The following CACNA2D2 variants were observed in gnomAD, a reference collection of about 807,000 sequenced individuals.
CACNA2D2 encodes voltage-dependent calcium channel subunit alpha-2/delta-2.
CACNA2D2 carries 48 observed loss-of-function variants against 166.4 expected under a neutral mutation model. The observed-to-expected ratio is 0.29, with a 90% CI of 0.23 to 0.37. The LOEUF is 0.37. Ranked by LOEUF, CACNA2D2 falls within the 10% of genes least tolerant of loss-of-function variation. CACNA2D2 has a pLI of 1.00. For synonymous variants in CACNA2D2, 561 were observed against 573.7 expected (o/e 0.98, Z 0.32); for missense variants, 1,122 against 1,433.0 (o/e 0.78, Z 3.50).
Position 50,384,125 on chromosome 3 carries a change from G to A in CACNA2D2, c.652+71C>T, listed in dbSNP as rs981470875. ...CTGGCCTTCTGTCCCCAGGGACTCT[G>A]GAATGCCCTGGCAGTGGGCCTGCCC... On this transcript the variant is annotated intron_variant, in intron 6 of 37. Coordinates refer to ENST00000424201, the MANE Select transcript of CACNA2D2 (RefSeq NM_006030.4). 6.3e-6 allele frequency: 10 copies of A among 1,576,378 alleles called. No individual in the cohort carries two copies. The African/African-American group carries it at 1.3e-4, about 21-fold the overall frequency.
intron 1 of CACNA2D2, among the ~76,000 whole-genome samples, chr3:50,496,284 C>T (rs540898654): frequency 7.2e-5 from 11 of 151,914 alleles, no homozygotes; most frequent in Admixed American, 2.0e-4. Flanking sequence ...TGCCTACACA[C>T]GAGAATGCCC....
At chr3:50,481,985 A>T (rs2107119015) in intron 1 of CACNA2D2, among the ~76,000 whole-genome samples, 1 of 152,274 alleles carries the variant, frequency 6.6e-6, no homozygotes, top group Non-Finnish European at 1.5e-5. Context: ...ACAGAGCGAG[A>T]CTGTCTCAAA....
At chr3:50,483,843 T>C (rs896004868) in intron 1 of CACNA2D2, among the ~76,000 whole-genome samples, 1 of 152,230 alleles carries the variant, frequency 6.6e-6, no homozygotes, top group Admixed American at 6.5e-5. Flanking sequence ...AGGCCAGGGA[T>C]CTCACTGCAC....
chr3:50,420,271 C>A (rs1034206092), intron 3 of CACNA2D2, among the ~76,000 whole-genome samples: 2 of 152,220 alleles, frequency 1.3e-5, no homozygotes, highest in Non-Finnish European at 2.9e-5. Context: ...CATGCATGGT[C>A]CTCCCAGCTG....
chr3:50,412,681 C>G (rs1380661738), intron 3 of CACNA2D2, among the ~76,000 whole-genome samples: 3 of 152,084 alleles, frequency 2.0e-5, no homozygotes, highest in African/African-American at 7.2e-5. Context: ...GTGGGAATTT[C>G]TATTTTATTT....
intron 4 of CACNA2D2, among the ~76,000 whole-genome samples, chr3:50,392,707 C>A (rs1383772024): frequency 6.6e-6 from 1 of 152,196 alleles, no homozygotes; most frequent in Non-Finnish European, 1.5e-5. Context: ...GATTCCTTCA[C>A]ACCCCATAGC....
Position 50,363,569 on chromosome 3 carries a change from C to A in CACNA2D2, c.*1097G>T. 3.2e-6 allele frequency: 1 copy of A among 308,258 alleles called. No homozygotes were observed. The highest frequency in any genetic ancestry group is 5.5e-5 in the East Asian group (1 of 18,100). The allele number at this position is 308,258 out of a possible 1,614,324, so 19.1% of individuals were successfully genotyped here. ...GGGTGGGAAGGAGATAGGGAGTGGG[C>A]ACAGGCCTGAGTGTGTAAGGGCCAG... On this transcript the variant is annotated 3_prime_UTR_variant, in exon 38 of 38. Coordinates refer to ENST00000424201, the MANE Select transcript of CACNA2D2 (RefSeq NM_006030.4).
At chr3:50,434,840 C>A (rs1708236570) in intron 2 of CACNA2D2, among the ~76,000 whole-genome samples, 1 of 152,222 alleles carries the variant, frequency 6.6e-6, no homozygotes, top group African/African-American at 2.4e-5. Context: ...TAAGCACACA[C>A]CACATACCCC....
chr3:50,446,761 C>T (rs1708866188), intron 2 of CACNA2D2, among the ~76,000 whole-genome samples: 1 of 152,208 alleles, frequency 6.6e-6, no homozygotes, highest in African/African-American at 2.4e-5. Flanking sequence ...TCTACCAGAC[C>T]CCGAGGGCTC....
At chr3:50,426,186 G>C (rs1388695172) in intron 3 of CACNA2D2, among the ~76,000 whole-genome samples, 1 of 152,244 alleles carries the variant, frequency 6.6e-6, no homozygotes, top group Non-Finnish European at 1.5e-5. Flanking sequence ...GCAGTGACCA[G>C]GGTTGACATC....
chr3:50,461,757 A>AG (rs1424607592), intron 2 of CACNA2D2, among the ~76,000 whole-genome samples: 6 of 145,978 alleles, frequency 4.1e-5, no homozygotes, highest in Admixed American at 1.5e-4. Context: ...AAAAAAAAAA[A>AG]AAAAAAGAAA....
chr3:50,469,006 T>G (rs565243336), intron 2 of CACNA2D2, among the ~76,000 whole-genome samples: 22 of 151,888 alleles, frequency 1.4e-4, no homozygotes, highest in Non-Finnish European at 3.1e-4. Context: ...TTTTTCTATT[T>G]TTAGTATAGA....
chr3:50,365,410 A>T lies in CACNA2D2; in HGVS notation c.3044T>A (p.Phe1015Tyr), dbSNP rs190120215. The change falls in exon 35 of 38, where the codon TTC becomes TAC. Residue 1015 changes from phenylalanine to tyrosine, a missense_variant. This residue lies in a region of CACNA2D2 where 282 missense variants were observed against 266.2 expected (regional missense o/e 1.06). Coordinates refer to ENST00000424201, the MANE Select transcript of CACNA2D2 (RefSeq NM_006030.4). This position sits in a 1 kb window ranked among gnomAD's most constrained non-coding sequence, Gnocchi z 4.5. ...GTTGTAGGAGGCGTTTACCGAGCCG[A>T]AGTAGTACTGGGTCTGTTTCATGAC... is the stretch of plus-strand genomic sequence containing the variant. Reference protein sequence around the residue: ...SCVMKQTQYYFGSVNASYNAI... With the variant: ...SCVMKQTQYYYGSVNASYNAI... 5.6e-6 allele frequency: 9 copies of T among 1,613,584 alleles called. No homozygotes were observed. The highest frequency in any genetic ancestry group is 1.1e-5 in the South Asian group (1 of 91,068).
At chr3:50,368,002 G>A in intron 24 of CACNA2D2, 100 bp from the exon 25 acceptor site, 1 of 1,110,068 alleles carries the variant, frequency 9.0e-7, no homozygotes, top group Middle Eastern at 2.7e-4. Flanking sequence ...CCTCCTCCAT[G>A]ACCTGGCCCT....
chr3:50,478,458 C>T (rs1300307755), intron 1 of CACNA2D2, among the ~76,000 whole-genome samples: 1 of 152,246 alleles, frequency 6.6e-6, no homozygotes, highest in African/African-American at 2.4e-5. Flanking sequence ...TCTGCCCTGG[C>T]CCTGACCCTG....
At chr3:50,398,553 G>T (rs1255527586) in intron 3 of CACNA2D2, among the ~76,000 whole-genome samples, 2 of 149,186 alleles carry the variant, frequency 1.3e-5, no homozygotes, top group Admixed American at 6.6e-5. Flanking sequence ...CTGGGCTTGA[G>T]TCTGGCCTGG....
rs1450933495 is a variant in CACNA2D2 at position 50,427,895 on chromosome 3, CGTGG to C, written c.405+6414_405+6417del. 6.6e-6 allele frequency among the ~76,000 whole-genome samples: 1 copy of C among 152,206 alleles called. No individual in the cohort carries two copies. The highest frequency in any genetic ancestry group is 2.4e-5 in the African/African-American group (1 of 41,456). ...TCTCACCCTCGTCAGTGAATGCACC[CGTGG>C]ACTCAGCTGAACTGGCCTCCAGCTG... On this transcript the variant is annotated intron_variant, in intron 3 of 37. Transcript: ENST00000424201. The surrounding 1 kb of genome is among the most constrained non-coding windows in gnomAD (Gnocchi z 4.7).
chr3:50,493,991 A>G (rs1698624340), intron 1 of CACNA2D2, among the ~76,000 whole-genome samples: 1 of 152,238 alleles, frequency 6.6e-6, no homozygotes, highest in Non-Finnish European at 1.5e-5. Context: ...AGCCCAGGCA[A>G]GGCCTCAGGG....
Position 50,376,114 on chromosome 3 carries a change from C to G in CACNA2D2, c.1701G>C (p.Gln567His), listed in dbSNP as rs1704972121. 6.2e-7 allele frequency: 1 copy of G among 1,613,350 alleles called. No homozygotes were observed. Among genetic ancestry groups the G allele is most frequent in the Admixed American group, 1.7e-5 (1 of 60,000 alleles). ...CCTCCAGGCCACCCGTCTGGCTCAC[C>G]TGGGGCTTGAGATTGGGGTGCAGCA... is the stretch of plus-strand genomic sequence containing the variant. ...YVLLHPNLKPQTTNFREPVTL... is the reference protein window; with the variant it reads ...YVLLHPNLKPHTTNFREPVTL... Residue 567 changes from glutamine (Q) to histidine (H), a missense_variant and splice_region_variant, in exon 18 of 38, where the codon CAG (glutamine) becomes CAC (histidine). Gln to His is a conservative substitution (Grantham distance 24, BLOSUM62 0). Around this residue, in one of 2 missense-constraint regions of CACNA2D2, gnomAD observed 840 missense variants for 1,166.8 expected, o/e 0.72. Transcript: ENST00000424201. This position sits in a 1 kb window ranked among gnomAD's most constrained non-coding sequence, Gnocchi z 4.3.
Sources: gnomAD v4.1 joint callset for allele counts (sites outside exome capture counted in the v4.1 genomes callset) on GRCh38, gnomAD v4.1.1 for gene constraint, gnomAD v4.1.1 regional missense constraint, Gnocchi (gnomAD v3.1) non-coding constraint, MANE v1.5 for transcripts, NCBI Gene and HGNC (gene_info 2026-07-23, HGNC 2026-07-21) for gene names.